TEX10: variants seen among roughly 807,000 people sequenced by gnomAD.
TEX10 encodes the protein testis expressed 10, also known as testis-expressed protein 10.
TEX10 carries 24 observed loss-of-function variants against 104.4 expected under a neutral mutation model. That is an observed-to-expected ratio of 0.23 (90% confidence interval 0.17 to 0.32). The LOEUF (loss-of-function observed/expected upper bound fraction) is 0.32. Among genes scored for constraint, TEX10 ranks in the 10% least tolerant of loss-of-function variants. The probability of loss-of-function intolerance (pLI) is 1.00; values close to 1 mark genes in which losing one functional copy is unlikely to be tolerated. For synonymous variants in TEX10, 396 were observed against 393.4 expected, an observed-to-expected ratio of 1.01 and a Z score of -0.08; for missense variants, 921 against 1,083.9, an observed-to-expected ratio of 0.85 and a Z score of 2.11.
intron 13 of TEX10, chr9:100,306,768 C>G (rs527937180): frequency 6.6e-6 from 1 of 152,158 alleles, no homozygotes; most frequent in Non-Finnish European, 1.5e-5. Context: ...GTATAGAATA[C>G]CCCTACAACT....
intron 8 of TEX10, 56 bp downstream of exon 8, chr9:100,327,731 T>G: frequency 7.2e-7 from 1 of 1,382,108 alleles, no homozygotes; most frequent in Non-Finnish European, 9.5e-7. Context: ...AAAACTTCTT[T>G]TGTATATCAG....
At chr9:100,344,571 C>T (rs746315241) in intron 4 of TEX10, among the ~76,000 whole-genome samples, 3 of 152,164 alleles carry the variant, frequency 2.0e-5, no homozygotes, top group Non-Finnish European at 4.4e-5. Flanking sequence ...CTAGGCCAGG[C>T]GTGGTGGCTC....
intron 11 of TEX10, among the ~76,000 whole-genome samples, chr9:100,314,903 G>C (rs181863465): frequency 6.6e-6 from 1 of 152,190 alleles, no homozygotes; most frequent in Admixed American, 6.5e-5. Context: ...ATGGGTTTTA[G>C]TATGATTTGT....
intron 5 of TEX10, among the ~76,000 whole-genome samples, chr9:100,337,441 T>C (rs934677822): frequency 6.6e-6 from 1 of 152,224 alleles, no homozygotes; most frequent in Non-Finnish European, 1.5e-5. Context: ...CATATAATTC[T>C]CCATCAATAC....
chr9:100,311,979 TG>T (rs570104749), intron 11 of TEX10, among the ~76,000 whole-genome samples: 6 of 151,838 alleles, frequency 4.0e-5, no homozygotes, highest in Non-Finnish European at 7.4e-5. Context: ...TGAGAGTGTG[TG>T]GGGGGGGGAA....
chr9:100,318,867 C>T (rs1257249162), intron 11 of TEX10, among the ~76,000 whole-genome samples: 9 of 151,946 alleles, frequency 5.9e-5, no homozygotes. Context: ...AATTCAAGGC[C>T]AGCCTGGGCA....
intron 8 of TEX10, 149 bp downstream of exon 8, chr9:100,327,638 T>C: frequency 2.2e-6 from 1 of 451,620 alleles, no homozygotes; most frequent in Non-Finnish European, 3.8e-6. Context: ...ATGAATTTAC[T>C]GTATGATGTT....
rs759558333 is a variant in TEX10, at chr9:100,349,264, T to G, written c.100A>C (p.Lys34Gln). 6.2e-7 allele frequency: 1 copy of G among 1,608,180 alleles called. No individual in the cohort carries two copies. The highest frequency in any genetic ancestry group is 1.7e-5 in the Admixed American group (1 of 58,942). ...KLQNATPTNF[K>Q]TKTIHLPEQL... Reference sequence around the variant, plus strand: ...TCAGGCAGATGTATAGTCTTTGTTTTAAAGTTTGTAGGAGTAGCATTTTGT... The same window carrying G: ...TCAGGCAGATGTATAGTCTTTGTTTGAAAGTTTGTAGGAGTAGCATTTTGT... The change falls in exon 2 of 15, where the codon AAA becomes CAA. Residue 34 changes from lysine (K) to glutamine (Q), a missense_variant. This residue lies in a region of TEX10 where 118 missense variants were observed against 111.3 expected (regional missense o/e 1.06). Transcript: ENST00000374902.
chr9:100,352,836 G>A lies in TEX10; in HGVS notation c.-74C>T, dbSNP rs1470389381. On this transcript the variant is annotated 5_prime_UTR_variant, in exon 1 of 15. Transcript: ENST00000374902. ...GACAAGCGAGGGAGCAGAAGCCCAC[G>A]GGGCAACAGCGTGCGCCGCCGACCT... 4.9e-6 allele frequency: 5 copies of A among 1,023,342 alleles called. No individual in the cohort carries two copies. Among genetic ancestry groups the A allele is most frequent in the Non-Finnish European group, 4.7e-6 (4 of 856,554 alleles). The allele number at this position is 1,023,342 out of a possible 1,614,324, so 63.4% of individuals were successfully genotyped here.
intron 11 of TEX10, among the ~76,000 whole-genome samples, chr9:100,312,642 T>C (rs568957714): frequency 1.8e-4 from 27 of 152,322 alleles, no homozygotes; most frequent in African/African-American, 6.5e-4. Context: ...ATAACTACTC[T>C]AATATAATCT....
At chr9:100,340,094 A>G (rs1444285998) in intron 5 of TEX10, among the ~76,000 whole-genome samples, 163 bp downstream of exon 5, 2 of 152,146 alleles carry the variant, frequency 1.3e-5, no homozygotes, top group Non-Finnish European at 2.9e-5. Context: ...CAAGGTTCAA[A>G]CTCACTTGTC....
At chr9:100,332,588 G>A (rs576392836) in intron 5 of TEX10, among the ~76,000 whole-genome samples, 32 of 152,272 alleles carry the variant, frequency 2.1e-4, no homozygotes, top group African/African-American at 7.0e-4. Flanking sequence ...CTGGGAGGCC[G>A]AGGTGGGCGG....
intron 5 of TEX10, among the ~76,000 whole-genome samples, chr9:100,335,286 TTCA>T (rs768619631): frequency 1.3e-5 from 2 of 151,964 alleles, no homozygotes; most frequent in Non-Finnish European, 2.9e-5. Flanking sequence ...CACTGCAACC[TTCA>T]TCTTCAGGGA....
chr9:100,320,461 T>C, intron 10 of TEX10, 63 bp from the exon 11 acceptor site: 1 of 1,502,818 alleles, frequency 6.7e-7, no homozygotes, highest in East Asian at 2.4e-5. Context: ...ATGACTTTCT[T>C]AAAAAACAGA....
intron 9 of TEX10, among the ~76,000 whole-genome samples, chr9:100,325,539 T>C (rs576821059): frequency 6.6e-6 from 1 of 151,898 alleles, no homozygotes; most frequent in African/African-American, 2.4e-5. Context: ...ATTAAAACTT[T>C]CTTTTTTTTG....
chr9:100,314,490 ATTTATCCAT>A (rs1422554065), intron 11 of TEX10, among the ~76,000 whole-genome samples: 7 of 152,080 alleles, frequency 4.6e-5, no homozygotes, highest in Non-Finnish European at 5.9e-5. Flanking sequence ...GTTTCCAGGA[ATTTATCCAT>A]TTTCCCTCTA....
Position 100,337,041 on chromosome 9 carries a change from C to T in TEX10, c.1250+3216G>A, listed in dbSNP as rs144913355. Among the ~76,000 whole-genome samples, 81 of 152,290 alleles carry T rather than the reference C, an allele frequency of 5.3e-4. 2 individuals are homozygous for T. In the East Asian group the frequency reaches 0.011, roughly 20 times the overall value. ...CACGCTGTCACTTCCATCAGGGCAG[C>T]CTTCTCTAAGATGGTCCTCCCCTCA... On this transcript the variant is annotated intron_variant, in intron 5 of 14. Coordinates refer to ENST00000374902, the MANE Select transcript of TEX10 (RefSeq NM_017746.4).
At chr9:100,318,229 T>A (rs1490387637) in intron 11 of TEX10, among the ~76,000 whole-genome samples, 1 of 152,234 alleles carries the variant, frequency 6.6e-6, no homozygotes, top group Admixed American at 6.5e-5. Context: ...TTCACCAACG[T>A]ATGCGTGGAT....
chr9:100,344,970 A>T (rs1835265997), intron 4 of TEX10, among the ~76,000 whole-genome samples: 1 of 152,254 alleles, frequency 6.6e-6, no homozygotes, highest in Non-Finnish European at 1.5e-5. Context: ...CTTTCAGATG[A>T]TCATAGATCA....
Sources: allele counts gnomAD v4.1 joint callset (sites outside exome capture counted in the v4.1 genomes callset), GRCh38; gene constraint gnomAD v4.1.1; regional missense constraint gnomAD v4.1.1; transcripts MANE v1.5; gene names NCBI Gene and HGNC (gene_info 2026-07-23, HGNC 2026-07-21).